Variants in LIFR observed in about 807,000 individuals in gnomAD.
LIFR encodes LIF receptor subunit alpha.
Under a neutral mutation model 122.2 loss-of-function variants are expected in LIFR, and 84 were observed. That is an observed-to-expected ratio of 0.69 (90% CI 0.58 to 0.82). The LOEUF is 0.82. Among genes scored for constraint, LIFR ranks in the 40% least tolerant of loss-of-function variants. The pLI is 0.00. For missense variants in LIFR, 1,294 were observed against 1,311.6 expected (o/e 0.99, Z 0.21); for synonymous variants, 422 against 434.7 (o/e 0.97, Z 0.36).
At chr5:38,570,714 G>A (rs757450171) in intron 1 of LIFR, among the ~76,000 whole-genome samples, 7 of 152,100 alleles carry the variant, frequency 4.6e-5, no homozygotes, top group African/African-American at 1.7e-4. Context: ...ACTTAATAAC[G>A]TTAGCCAATT....
At chr5:38,546,962 C>A (rs1348982378) in intron 1 of LIFR, among the ~76,000 whole-genome samples, 3 of 152,128 alleles carry the variant, frequency 2.0e-5, no homozygotes, top group African/African-American at 7.2e-5. Context: ...AGCCAGCGAC[C>A]CAATGTCTAC....
rs1744849216 is a variant in LIFR at position 38,495,870 on chromosome 5, C to T, written c.1885+512G>A. On this transcript the variant is annotated intron_variant, in intron 13 of 19. Transcript: ENST00000453190. The stretch of plus-strand genomic sequence containing the variant: ...CTACACCACAGTTGTTTTTCTAAGG[C>T]CTATATTGAAGATCTAATTTATACC... Among the ~76,000 whole-genome samples, 3 of 152,074 alleles carry T rather than the reference C, an allele frequency of 2.0e-5. No homozygotes were observed. The South Asian group carries it at 6.2e-4, about 32-fold the overall frequency.
intron 1 of LIFR, among the ~76,000 whole-genome samples, chr5:38,535,418 T>C (rs943859172): frequency 1.3e-5 from 2 of 152,190 alleles, no homozygotes; most frequent in East Asian, 1.9e-4. Context: ...TCATGTTCCA[T>C]AGGCCAAATC....
chr5:38,500,047 T>C (rs1042151913), intron 11 of LIFR, among the ~76,000 whole-genome samples: 6 of 152,174 alleles, frequency 3.9e-5, no homozygotes, highest in African/African-American at 1.4e-4. Context: ...CTTTTCTAAC[T>C]ACCCTATTTA....
chr5:38,482,455 T>C (rs1744047430), intron 19 of LIFR, 134 bp downstream of exon 19: 1 of 621,230 alleles, frequency 1.6e-6, no homozygotes, highest in East Asian at 2.9e-5. Flanking sequence ...TTTTAGAAAC[T>C]GAGATGTTTT....
intron 1 of LIFR, among the ~76,000 whole-genome samples, chr5:38,552,779 C>T (rs1262204834): frequency 1.3e-5 from 2 of 152,188 alleles, no homozygotes; most frequent in Non-Finnish European, 2.9e-5. Context: ...ATGTCAAAGG[C>T]CAGAGCCAAG....
At chr5:38,554,882 G>A (rs1011218184) in intron 1 of LIFR, 1 of 152,178 alleles carries the variant, frequency 6.6e-6, no homozygotes, top group Admixed American at 6.5e-5. Flanking sequence ...TGACCATTCA[G>A]AAGCAAATTT....
intron 6 of LIFR, 95 bp from the exon 7 acceptor site, chr5:38,510,813 T>C: frequency 9.7e-7 from 1 of 1,026,042 alleles, no homozygotes; most frequent in African/African-American, 1.6e-5. Context: ...AAGATGACTT[T>C]TAAAATAGCC....
chr5:38,577,598 CAT>C (rs1464361668), intron 1 of LIFR, among the ~76,000 whole-genome samples: 1 of 152,184 alleles, frequency 6.6e-6, no homozygotes, highest in Non-Finnish European at 1.5e-5. Flanking sequence ...CCAGTTTTGA[CAT>C]GTCCTGCCCT....
At position 38,511,855 on chromosome 5, in the gene LIFR, A is replaced by C. The variant is rs1745820756; in HGVS notation, c.671T>G (p.Ile224Ser). The C allele has an allele frequency of 6.2e-7, 1 of 1,614,028 alleles. No individual in the cohort carries two copies. The highest frequency in any genetic ancestry group is 1.3e-5 in the African/African-American group (1 of 74,930). The change falls in exon 6 of 20, where the codon ATT becomes AGT. Residue 224 changes from isoleucine to serine, a missense_variant. Transcript: ENST00000453190. ...AIHFVEIRCY[I>S]DNLHFSGLEE... ...GAGACCAGAAAAATGAAGATTGTCA[A>C]TGTAGCATCTAATTTCCACAAAATG... is the stretch of plus-strand genomic sequence containing the variant.
At position 38,480,173 on chromosome 5, in the gene LIFR, A is replaced by C. The variant is rs540758119; in HGVS notation, c.*1422T>G. 1 of 229,442 alleles carries C rather than the reference A, an allele frequency of 4.4e-6. No individual in the cohort carries two copies. Among genetic ancestry groups the C allele is most frequent in the South Asian group, 1.8e-4 (1 of 5,494 alleles). The allele number at this position is 229,442 out of a possible 1,614,324, so 14.2% of individuals were successfully genotyped here. A position where few individuals can be genotyped will look rare whatever the true frequency, so the allele number is the denominator to read the frequency against. On this transcript the variant is annotated 3_prime_UTR_variant, in exon 20 of 20. Coordinates refer to ENST00000453190, the MANE Select transcript of LIFR (RefSeq NM_001127671.2). Reference sequence around the variant, plus strand: ...AAGACATATCTTATTCGGACACTTAAAATTTTCAAGTACTTTTGCCTTAAA... The same window carrying C: ...AAGACATATCTTATTCGGACACTTACAATTTTCAAGTACTTTTGCCTTAAA...
At chr5:38,510,961 G>A (rs550269494) in intron 6 of LIFR, among the ~76,000 whole-genome samples, 1 of 149,020 alleles carries the variant, frequency 6.7e-6, no homozygotes, top group South Asian at 2.1e-4. Flanking sequence ...TACTTATGAA[G>A]GGATAATGGT....
At chr5:38,495,817 T>C (rs1660428232) in intron 13 of LIFR, among the ~76,000 whole-genome samples, 1 of 152,152 alleles carries the variant, frequency 6.6e-6, no homozygotes, top group Non-Finnish European at 1.5e-5. Context: ...ATCTGTAAAA[T>C]TTAAAGAAAG....
At chr5:38,548,256 T>G (rs1456020813) in intron 1 of LIFR, among the ~76,000 whole-genome samples, 1 of 152,230 alleles carries the variant, frequency 6.6e-6, no homozygotes, top group Admixed American at 6.5e-5. Flanking sequence ...CCTAGGATAT[T>G]CTCACACTTG....
At chr5:38,565,245 A>C (rs776972822) in intron 1 of LIFR, among the ~76,000 whole-genome samples, 1 of 152,184 alleles carries the variant, frequency 6.6e-6, no homozygotes, top group Non-Finnish European at 1.5e-5. Flanking sequence ...AACAGTGAAA[A>C]TTGTTCAATG....
intron 1 of LIFR, among the ~76,000 whole-genome samples, chr5:38,553,975 T>C (rs1024673554): frequency 6.6e-6 from 1 of 152,098 alleles, no homozygotes; most frequent in Non-Finnish European, 1.5e-5. Flanking sequence ...AACCATATTA[T>C]ACTAACATTA....
At chr5:38,584,800 A>C (rs1048573799) in intron 1 of LIFR, among the ~76,000 whole-genome samples, 3 of 152,218 alleles carry the variant, frequency 2.0e-5, no homozygotes, top group Non-Finnish European at 4.4e-5. Flanking sequence ...AATGGGGACT[A>C]TAGGTAGTAA....
chr5:38,507,539 G>A (rs1745555536), intron 7 of LIFR, among the ~76,000 whole-genome samples: 1 of 147,748 alleles, frequency 6.8e-6, no homozygotes, highest in South Asian at 2.2e-4. Context: ...AATCTGGTCT[G>A]GGCGACAGAG....
At chr5:38,488,935 A>T in intron 16 of LIFR, 143 bp downstream of exon 16, 2 of 666,214 alleles carry the variant, frequency 3.0e-6, no homozygotes, top group South Asian at 3.7e-5. Context: ...ATATTCATAG[A>T]ATTACTGCCT....
Sources: gnomAD v4.1 joint callset for allele counts (sites outside exome capture counted in the v4.1 genomes callset) on GRCh38, gnomAD v4.1.1 for gene constraint, MANE v1.5 for transcripts, NCBI Gene and HGNC (gene_info 2026-07-23, HGNC 2026-07-21) for gene names.